ZNF701: variants seen among roughly 807,000 people sequenced by gnomAD.
ZNF701 encodes the protein zinc finger protein 701.
ZNF701 carries 6 observed loss-of-function variants against 7.1 expected under a neutral mutation model. That is an observed-to-expected ratio of 0.84 (90% confidence interval 0.46 to 1.66). The LOEUF is 1.66. Ranked by LOEUF, ZNF701 falls within the 40% of genes most tolerant of loss-of-function variation. The pLI, the probability that ZNF701 is intolerant of heterozygous loss-of-function variation, is 0.01. For synonymous variants in ZNF701, 166 were observed against 188.2 expected (o/e 0.88, Z 0.97); for missense variants, 541 against 559.2 (o/e 0.97, Z 0.33).
At chr19:52,574,551 G>A (rs1043804155) in intron 2 of ZNF701, among the ~76,000 whole-genome samples, 8 of 152,130 alleles carry the variant, frequency 5.3e-5, no homozygotes, top group South Asian at 2.1e-4. Context: ...CACAAAGTAC[G>A]TGGTAAATTC....
intron 1 of ZNF701, among the ~76,000 whole-genome samples, chr19:52,571,408 C>T (rs935838823): frequency 1.3e-5 from 2 of 151,804 alleles, no homozygotes; most frequent in African/African-American, 2.4e-5. Flanking sequence ...ACAGGGAGAG[C>T]GGCAGAGATG....
chr19:52,593,050 A>C, the ZNF701 span, among the ~76,000 whole-genome samples: 1 of 117,370 alleles, frequency 8.5e-6, no homozygotes, highest in African/African-American at 3.3e-5. Flanking sequence ...AATCCATTCA[A>C]CCCTGAGTGG....
Position 52,583,780 on chromosome 19 carries a change from G to T in ZNF701, c.*323G>T. On this transcript the variant is annotated 3_prime_UTR_variant, in exon 4 of 4. Transcript: ENST00000391785. ...CACCATCAAGCAATCCATGGTATAG[G>T]GAAACTTGACTAATGTAATGATTGT... 1 of 638,034 alleles carries T rather than the reference G, an allele frequency of 1.6e-6. No individual in the cohort carries two copies. Among genetic ancestry groups the T allele is most frequent in the Non-Finnish European group, 2.9e-6 (1 of 344,928 alleles). The allele number at this position is 638,034 out of a possible 1,614,324, so 39.5% of individuals were successfully genotyped here.
chr19:52,582,463 C>G lies in ZNF701; in HGVS notation c.404C>G (p.Pro135Arg), dbSNP rs2059981609. 2 of 1,614,050 alleles carry G rather than the reference C, an allele frequency of 1.2e-6. No individual in the cohort carries two copies. Among genetic ancestry groups the G allele is most frequent in the African/African-American group, 2.7e-5 (2 of 74,922 alleles). The change falls in exon 4 of 4, where the codon CCT becomes CGT. Residue 135 changes from proline to arginine, a missense_variant. Coordinates refer to ENST00000391785, the MANE Select transcript of ZNF701 (RefSeq NM_018260.3). ...GATCAAAGGCATGCTGGAAACAAAC[C>G]TATTAAAAATGAGCTTGGATCAAGC... ...RHDQRHAGNK[P>R]IKNELGSSFH... is the part of the protein sequence containing the mutation.
At chr19:52,593,795 C>T in the ZNF701 span, among the ~76,000 whole-genome samples, 4 of 107,514 alleles carry the variant, frequency 3.7e-5, 1 homozygote, top group South Asian at 3.3e-4. Context: ...ACATCTCAGA[C>T]GATGGGCGGC....
intron 2 of ZNF701, among the ~76,000 whole-genome samples, chr19:52,574,887 T>TG (rs1050904492): frequency 6.6e-4 from 101 of 152,318 alleles, no homozygotes; most frequent in African/African-American, 2.3e-3. Flanking sequence ...GAGCAGTACT[T>TG]GCAGCTGCCA....
At chr19:52,571,965 A>G (rs904160319) in intron 1 of ZNF701, among the ~76,000 whole-genome samples, 2 of 152,070 alleles carry the variant, frequency 1.3e-5, no homozygotes. Flanking sequence ...CTGGGATTAC[A>G]GGCATGTGCC....
intron 3 of ZNF701, among the ~76,000 whole-genome samples, chr19:52,581,050 G>A (rs113334250): frequency 7.2e-5 from 11 of 152,148 alleles, no homozygotes; most frequent in African/African-American, 2.6e-4. Context: ...CTTGAACCCA[G>A]GAGGCAGAGG....
downstream of ZNF701, chr19:52,592,115 T>G: frequency 8.2e-7 from 1 of 1,226,102 alleles, no homozygotes; most frequent in Non-Finnish European, 1.2e-6. Flanking sequence ...CACTAGACTT[T>G]CAGGGATGTG....
the ZNF701 span, among the ~76,000 whole-genome samples, chr19:52,594,794 T>A: frequency 6.6e-6 from 1 of 152,186 alleles, no homozygotes. Flanking sequence ...ATTACAGGCA[T>A]GAGCCACCGC....
At chr19:52,595,989 C>T in the ZNF701 span, 7 of 1,600,928 alleles carry the variant, frequency 4.4e-6, no homozygotes, top group Non-Finnish European at 6.0e-6. Flanking sequence ...AATGATGCTT[C>T]CTCAGCTTCA....
the ZNF701 span, among the ~76,000 whole-genome samples, chr19:52,593,171 G>A: frequency 8.5e-6 from 1 of 118,250 alleles, no homozygotes; most frequent in Admixed American, 8.7e-5. Flanking sequence ...AGTCTCCCAT[G>A]TCTACCTCTT....
chr19:52,596,203 A>C, the ZNF701 span: 2 of 578,634 alleles, frequency 3.5e-6, no homozygotes, highest in Admixed American at 5.2e-5. Context: ...AACAGTATAA[A>C]TGTGATGTAT....
Position 52,583,522 on chromosome 19 carries a change from T to C in ZNF701, c.*65T>C. 2.4e-5 allele frequency: 39 copies of C among 1,603,970 alleles called. No homozygotes were observed. Among genetic ancestry groups the C allele is most frequent in the Non-Finnish European group, 3.2e-5 (38 of 1,172,280 alleles). On this transcript the variant is annotated 3_prime_UTR_variant, in exon 4 of 4. Coordinates refer to ENST00000391785, the MANE Select transcript of ZNF701 (RefSeq NM_018260.3). The stretch of plus-strand genomic sequence containing the variant: ...TTGCATGTCATCATAGACTTTATAC[T>C]GGAGAGAAACCTTACAAATGTGAAG...
At chr19:52,588,156 G>T (rs968728971), downstream of ZNF701, among the ~76,000 whole-genome samples, 2 of 151,646 alleles carry the variant, frequency 1.3e-5, no homozygotes, top group African/African-American at 4.8e-5. Flanking sequence ...TCCCCTGTGT[G>T]TGTGTTTTGT....
chr19:52,575,332 A>C (rs1327087686), intron 2 of ZNF701, among the ~76,000 whole-genome samples: 1 of 151,446 alleles, frequency 6.6e-6, no homozygotes, highest in Non-Finnish European at 1.5e-5. Context: ...ACACACACAT[A>C]TATACATACA....
At chr19:52,595,816 A>G in the ZNF701 span, 688,762 of 1,609,166 alleles carry the variant, frequency 0.43, 148,471 homozygotes, top group Middle Eastern at 0.51. Flanking sequence ...CACCCATGAC[A>G]GAAACCAAAG....
downstream of ZNF701, among the ~76,000 whole-genome samples, chr19:52,590,411 T>A (rs2060032620): frequency 6.6e-6 from 1 of 152,168 alleles, no homozygotes; most frequent in African/African-American, 2.4e-5. Flanking sequence ...AATTTTTAAT[T>A]TACATAATGA....
At chr19:52,589,918 C>A (rs1600095808), downstream of ZNF701, among the ~76,000 whole-genome samples, 1 of 151,866 alleles carries the variant, frequency 6.6e-6, no homozygotes, top group African/African-American at 2.4e-5. Flanking sequence ...CTCAGCTTCA[C>A]AAGTAGCTGA....
Sources: allele counts gnomAD v4.1 joint callset (sites outside exome capture counted in the v4.1 genomes callset), GRCh38; gene constraint gnomAD v4.1.1; transcripts MANE v1.5; gene names NCBI Gene and HGNC (gene_info 2026-07-23, HGNC 2026-07-21).